ANKRD17: variants seen among roughly 807,000 people sequenced by gnomAD.
ANKRD17 encodes ankyrin repeat domain 17.
In ANKRD17, 19 loss-of-function variants were observed where a neutral mutation model predicts 229.7. The observed-to-expected ratio is 0.08, with a 90% CI of 0.06 to 0.12. ANKRD17 has a LOEUF of 0.12. Ranked by LOEUF, ANKRD17 falls within the 10% of genes least tolerant of loss-of-function variation. ANKRD17 has a pLI of 1.00. For missense variants in ANKRD17, 2,176 were observed against 3,176.8 expected (o/e 0.68, Z 7.57); for synonymous variants, 1,112 against 1,146.1 (o/e 0.97, Z 0.60).
chr4:73,156,741 G>C (rs1019664761), intron 3 of ANKRD17, among the ~76,000 whole-genome samples: 1 of 152,018 alleles, frequency 6.6e-6, no homozygotes, highest in Non-Finnish European at 1.5e-5. Context: ...CACCATGATT[G>C]TAAGTTTTCT....
intron 1 of ANKRD17, among the ~76,000 whole-genome samples, chr4:73,181,687 T>A (rs1167980701): frequency 6.6e-6 from 1 of 152,014 alleles, no homozygotes; most frequent in African/African-American, 2.4e-5. Flanking sequence ...AGAAAAAAAA[T>A]CATTTTGAAT....
At chr4:73,149,510 G>C (rs1318948147) in intron 7 of ANKRD17, among the ~76,000 whole-genome samples, 2 of 152,174 alleles carry the variant, frequency 1.3e-5, no homozygotes, top group African/African-American at 4.8e-5. Flanking sequence ...TACATGCTGT[G>C]TTAGGGGAAC....
At chr4:73,084,493 G>C (rs1433464697) in intron 30 of ANKRD17, among the ~76,000 whole-genome samples, 1 of 148,264 alleles carries the variant, frequency 6.7e-6, no homozygotes, top group Non-Finnish European at 1.5e-5. Flanking sequence ...CTGTTGCCCA[G>C]GCTGGAGTGC....
intron 15 of ANKRD17, among the ~76,000 whole-genome samples, chr4:73,138,291 C>T (rs1229302215): frequency 6.6e-6 from 1 of 152,062 alleles, no homozygotes; most frequent in East Asian, 1.9e-4. Flanking sequence ...GTAATTATTA[C>T]TAGCATTTTT....
Position 73,090,720 on chromosome 4 carries a change from G to A in ANKRD17, c.6908C>T (p.Ser2303Phe). ...NSDPLHQSDTSKAPGFRPPLQ... is the reference protein window; with the variant it reads ...NSDPLHQSDTFKAPGFRPPLQ... Reference sequence around the variant, plus strand: ...TGGTGGTCTAAAACCTGGAGCTTTGGAAGTATCAGACTGATGTAAAGGATC... The same window carrying A: ...TGGTGGTCTAAAACCTGGAGCTTTGAAAGTATCAGACTGATGTAAAGGATC... Residue 2303 changes from serine (S) to phenylalanine (F), a missense_variant, in exon 29 of 34, where the codon TCC (serine) becomes TTC (phenylalanine). Coordinates refer to ENST00000358602, the MANE Select transcript of ANKRD17 (RefSeq NM_032217.5). The A allele has an allele frequency of 6.2e-7, 1 of 1,614,190 alleles. No individual in the cohort carries two copies. Among genetic ancestry groups the A allele is most frequent in the Non-Finnish European group, 8.5e-7 (1 of 1,180,022 alleles).
chr4:73,121,588 G>C, intron 19 of ANKRD17, 29 bp downstream of exon 19: 1 of 1,612,160 alleles, frequency 6.2e-7, no homozygotes, highest in African/African-American at 1.3e-5. Context: ...TACTAAATAA[G>C]GGGCTTACAG....
At position 73,091,554 on chromosome 4, in the gene ANKRD17, G is replaced by C. The variant is rs778878171; in HGVS notation, c.6074C>G (p.Thr2025Arg). Residue 2025 changes from threonine to arginine, a missense_variant, in exon 29 of 34, where the codon ACA becomes AGA. Transcript: ENST00000358602. ...AGTAGGCATAGGATATGTGGCATTT[G>C]TGGGTGCAGTGTTGTTGTTGCTTGC... Reference protein sequence around the residue: ...TTASNNNTAPTNATYPMPTAK... With the variant: ...TTASNNNTAPRNATYPMPTAK... 3 of 1,614,118 alleles carry C rather than the reference G, an allele frequency of 1.9e-6. No individual in the cohort carries two copies. The highest frequency in any genetic ancestry group is 2.5e-6 in the Non-Finnish European group (3 of 1,180,054).
chr4:73,079,963 G>A (rs1283596293), intron 30 of ANKRD17, among the ~76,000 whole-genome samples: 4 of 151,848 alleles, frequency 2.6e-5, no homozygotes, highest in Admixed American at 6.6e-5. Context: ...AAAATTAGCC[G>A]GGCGTGGTGG....
intron 1 of ANKRD17, among the ~76,000 whole-genome samples, chr4:73,219,102 C>T (rs1741514335): frequency 6.6e-6 from 1 of 152,162 alleles, no homozygotes; most frequent in Non-Finnish European, 1.5e-5. Flanking sequence ...CATTTCTCAA[C>T]TTGATTCCAA....
intron 1 of ANKRD17, among the ~76,000 whole-genome samples, chr4:73,209,891 C>T (rs1472256316): frequency 1.3e-5 from 2 of 152,028 alleles, no homozygotes; most frequent in South Asian, 2.1e-4. Context: ...AAATTCAATA[C>T]CCTTTGATGA....
At position 73,091,599 on chromosome 4, in the gene ANKRD17, G is replaced by T; in HGVS notation, c.6029C>A (p.Thr2010Lys). 6.2e-7 allele frequency: 1 copy of T among 1,614,188 alleles called. No homozygotes were observed. The highest frequency in any genetic ancestry group is 1.1e-5 in the South Asian group (1 of 91,080). Reference sequence around the variant, plus strand: ...GCTTGCCGTGGTTGTGACTGTTGTTGTGGTGGCATTGGATGTCTTCACAAC... The same window carrying T: ...GCTTGCCGTGGTTGTGACTGTTGTTTTGGTGGCATTGGATGTCTTCACAAC... The part of the protein sequence containing the change: ...VTVVKTSNAT[T>K]TTVTTTASNN... Residue 2010 changes from threonine (T) to lysine (K), a missense_variant, in exon 29 of 34, where the codon ACA (threonine) becomes AAA (lysine). By Grantham distance (78) the Thr-to-Lys change is moderately conservative. Around this residue, in one of 18 missense-constraint regions of ANKRD17, gnomAD observed 424 missense variants for 454.0 expected, o/e 0.93. Coordinates refer to ENST00000358602, the MANE Select transcript of ANKRD17 (RefSeq NM_032217.5).
At chr4:73,239,620 G>A (rs1429140660) in intron 1 of ANKRD17, among the ~76,000 whole-genome samples, 1 of 152,058 alleles carries the variant, frequency 6.6e-6, no homozygotes, top group Non-Finnish European at 1.5e-5. Context: ...AAAGGCATAG[G>A]ATTACATACA....
intron 1 of ANKRD17, among the ~76,000 whole-genome samples, chr4:73,204,040 GA>G (rs889486369): frequency 4.6e-5 from 7 of 151,992 alleles, no homozygotes; most frequent in Non-Finnish European, 1.0e-4. Context: ...GAAATCACAT[GA>G]AAAAGACCTT....
In ANKRD17 at chr4:73,258,625, T is replaced by C. The variant is rs1745715048; in HGVS notation, c.44A>G (p.Glu15Gly). The C allele has an allele frequency of 1.3e-6, 2 of 1,482,610 alleles. No individual in the cohort carries two copies. The highest frequency in any genetic ancestry group is 3.0e-5 in the African/African-American group (2 of 66,638). The allele number at this position is 1,482,610 out of a possible 1,614,324, so 91.8% of individuals were successfully genotyped here. A position where few individuals can be genotyped will look rare whatever the true frequency, so the allele number is the denominator to read the frequency against. ...CACCGCCGGGGGGCTCCCTTCTCCT[T>C]CTGCAGCCGTCGCCGCCGCCACCGG... The part of the protein sequence containing the change: ...TVPVAAATAA[E>G]GEGSPPAVAA... Residue 15 changes from glutamate (E) to glycine (G), a missense_variant, in exon 1 of 34, where the codon GAA becomes GGA. Transcript: ENST00000358602.
chr4:73,116,079 T>C (rs1725906088), intron 22 of ANKRD17, among the ~76,000 whole-genome samples, 163 bp from the exon 23 acceptor site: 1 of 152,096 alleles, frequency 6.6e-6, no homozygotes, highest in Non-Finnish European at 1.5e-5. Flanking sequence ...TCCAGTGAGT[T>C]AAATCCACAT....
intron 1 of ANKRD17, among the ~76,000 whole-genome samples, chr4:73,195,877 T>C (rs952203232): frequency 2.0e-5 from 3 of 152,130 alleles, no homozygotes; most frequent in Non-Finnish European, 4.4e-5. Context: ...TTTTAGTGTA[T>C]ATGGGTGGGA....
Position 73,139,595 on chromosome 4 carries a change from T to C in ANKRD17, c.3021A>G (p.Gln1007=), listed in dbSNP as rs756630950. 6 of 1,614,066 alleles carry C rather than the reference T, an allele frequency of 3.7e-6. No individual in the cohort carries two copies. The highest frequency in any genetic ancestry group is 2.7e-5 in the African/African-American group (2 of 74,948). Residue 1007 remains glutamine (Q), a synonymous_variant, in exon 15 of 34, where the codon CAA becomes CAG. Coordinates refer to ENST00000358602, the MANE Select transcript of ANKRD17 (RefSeq NM_032217.5). ...GLGQGILTET[Q]QGLMVASPAQ... is the part of the protein sequence containing the mutation. The stretch of plus-strand genomic sequence containing the variant: ...CAGGGCTGGCTACCATTAACCCTTG[T>C]TGTGTTTCTGTCAGAATTCCTTGCC...
At chr4:73,162,647 TA>T (rs1732683685) in intron 2 of ANKRD17, among the ~76,000 whole-genome samples, 1 of 152,072 alleles carries the variant, frequency 6.6e-6, no homozygotes, top group Non-Finnish European at 1.5e-5. Context: ...CTGAAAGTAC[TA>T]ATCTGAAAAC....
At chr4:73,237,534 T>A (rs949543051) in intron 1 of ANKRD17, among the ~76,000 whole-genome samples, 111 of 152,082 alleles carry the variant, frequency 7.3e-4, no homozygotes, top group African/African-American at 2.4e-3. Context: ...GAGGTGGGGA[T>A]CTGGATGCAG....
Sources: gnomAD v4.1 joint callset for allele counts (sites outside exome capture counted in the v4.1 genomes callset) on GRCh38, gnomAD v4.1.1 for gene constraint, gnomAD v4.1.1 regional missense constraint, MANE v1.5 for transcripts, NCBI Gene and HGNC (gene_info 2026-07-23, HGNC 2026-07-21) for gene names.